The following ZNF626 variants were observed in gnomAD, a reference collection of about 807,000 sequenced individuals.
The protein encoded by ZNF626 is zinc finger protein 626, also known as CTC-513N18.7.
A neutral mutation model predicts 11.7 loss-of-function variants in ZNF626; 4 were observed. The ratio of observed to expected loss-of-function variants is 0.34; its 90% CI spans 0.17 to 0.78. ZNF626 has a LOEUF of 0.78. Ranked by LOEUF, ZNF626 falls within the 30% of genes least tolerant of loss-of-function variation. The pLI is 0.57. For missense variants in ZNF626, 588 were observed against 587.1 expected (o/e 1.00, Z -0.01); for synonymous variants, 179 against 198.6 (o/e 0.90, Z 0.83).
intron 3 of ZNF626, among the ~76,000 whole-genome samples, chr19:20,628,687 T>A (rs1011216847): frequency 6.6e-5 from 10 of 152,226 alleles, no homozygotes; most frequent in Non-Finnish European, 1.3e-4. Context: ...TATTTGCCCT[T>A]TGTCAGATGA....
chr19:20,629,298 G>C lies in ZNF626; in HGVS notation c.227-3648C>G, dbSNP rs543353366. The stretch of plus-strand genomic sequence containing the variant: ...TTGGTTTCATATGAACTTTAAAGTA[G>C]TTTTTTCCAATTCTGTGAAGAAAGT... On this transcript the variant is annotated intron_variant, in intron 3 of 3. Coordinates refer to ENST00000601440, the MANE Select transcript of ZNF626 (RefSeq NM_001076675.3). Among the ~76,000 whole-genome samples the C allele has an allele frequency of 2.9e-3, 438 of 152,262 alleles. 2 individuals are homozygous for C. Among genetic ancestry groups the C allele is most frequent in the African/African-American group, 1.0e-2 (414 of 41,550 alleles).
At chr19:20,641,304 TTAAA>T (rs1970022391) in intron 3 of ZNF626, among the ~76,000 whole-genome samples, 1 of 152,196 alleles carries the variant, frequency 6.6e-6, no homozygotes, top group Non-Finnish European at 1.5e-5. Flanking sequence ...TTATTCCACC[TTAAA>T]TAAAACAATC....
rs1555769284 is a variant in ZNF626 at position 20,624,786 on chromosome 19, G to T, written c.1091C>A (p.Thr364Asn). 5 of 1,613,676 alleles carry T rather than the reference G, an allele frequency of 3.1e-6. No homozygotes were observed. The highest frequency in any genetic ancestry group is 4.2e-6 in the Non-Finnish European group (5 of 1,179,986). The stretch of plus-strand genomic sequence containing the variant: ...TTCACATTTGTAGGGTTTCTCTCCA[G>T]TATGAATTCTCTTATGTGTAGTAAG... ...STLTTHKRIH[T>N]GEKPYKCEEC... is the part of the protein sequence containing the mutation. The change falls in exon 4 of 4, where the codon ACT becomes AAT. Residue 364 changes from threonine to asparagine, a missense_variant. Transcript: ENST00000601440.
intron 1 of ZNF626, among the ~76,000 whole-genome samples, chr19:20,655,852 G>A (rs1343830184): frequency 2.0e-5 from 3 of 151,676 alleles, no homozygotes; most frequent in African/African-American, 7.3e-5. Flanking sequence ...GGAGATTGGC[G>A]TGAACCCAGG....
chr19:20,623,943 G>T lies in ZNF626; in HGVS notation c.*347C>A. Reference sequence around the variant, plus strand: ...CTGTCACATTCTTTATATTTGTAGAGTTTATATTTCATATCAATTCTTAGT... The same window carrying T: ...CTGTCACATTCTTTATATTTGTAGATTTTATATTTCATATCAATTCTTAGT... On this transcript the variant is annotated 3_prime_UTR_variant, in exon 4 of 4. Coordinates refer to ENST00000601440, the MANE Select transcript of ZNF626 (RefSeq NM_001076675.3). 7.8e-6 allele frequency: 3 copies of T among 383,462 alleles called. No homozygotes were observed. Among genetic ancestry groups the T allele is most frequent in the Non-Finnish European group, 1.5e-5 (3 of 205,998 alleles). The allele number at this position is 383,462 out of a possible 1,614,324, so 23.8% of individuals were successfully genotyped here.
intron 1 of ZNF626, among the ~76,000 whole-genome samples, chr19:20,649,882 A>G (rs555159495): frequency 8.5e-5 from 13 of 152,372 alleles, no homozygotes; most frequent in Admixed American, 2.0e-4. Flanking sequence ...AAGGTCTCTT[A>G]TTACTTAGCA....
intron 1 of ZNF626, among the ~76,000 whole-genome samples, chr19:20,660,009 C>A (rs1326452008): frequency 6.6e-6 from 1 of 151,982 alleles, no homozygotes; most frequent in African/African-American, 2.4e-5. Context: ...TGGCTCACAC[C>A]GATAATGCCA....
chr19:20,629,975 G>GT (rs1382675836), intron 3 of ZNF626, among the ~76,000 whole-genome samples: 1 of 152,286 alleles, frequency 6.6e-6, no homozygotes, highest in African/African-American at 2.4e-5. Flanking sequence ...TTTATTGAGA[G>GT]TTTTTAGTAT....
At chr19:20,656,789 A>C (rs782356214) in intron 1 of ZNF626, among the ~76,000 whole-genome samples, 1 of 152,160 alleles carries the variant, frequency 6.6e-6, no homozygotes, top group African/African-American at 2.4e-5. Flanking sequence ...ATAAGTCAAA[A>C]AATAACAGAT....
At chr19:20,631,615 C>CT (rs56931780) in intron 3 of ZNF626, among the ~76,000 whole-genome samples, 30 of 139,992 alleles carry the variant, frequency 2.1e-4, no homozygotes, top group Admixed American at 1.6e-3. Context: ...CAACCCCTGC[C>CT]TTTTTTTTTG....
At chr19:20,650,293 A>G (rs1266953089) in intron 1 of ZNF626, among the ~76,000 whole-genome samples, 20 of 152,040 alleles carry the variant, frequency 1.3e-4, no homozygotes, top group African/African-American at 4.6e-4. Context: ...GACAGATGAA[A>G]GAAATATGGA....
chr19:20,646,536 A>G, intron 1 of ZNF626, 131 bp from the exon 2 acceptor site: 1 of 1,500,350 alleles, frequency 6.7e-7, no homozygotes. Flanking sequence ...ATCCAATAAA[A>G]TGATTTCAAA....
intron 3 of ZNF626, among the ~76,000 whole-genome samples, chr19:20,639,572 T>C (rs1970001606): frequency 6.6e-6 from 1 of 152,104 alleles, no homozygotes; most frequent in African/African-American, 2.4e-5. Context: ...ATCCGAACAC[T>C]ACAAACAAAC....
rs1384897483 is a variant in ZNF626, at chr19:20,619,974, TTAAC to T, written c.*4312_*4315del. ...TTTCCAGTTTTATTCATTACAAATA[TTAAC>T]TAACATCTTTTTTTCTGGCTTAAAT... On this transcript the variant is annotated 3_prime_UTR_variant, in exon 4 of 4. Coordinates refer to ENST00000601440, the MANE Select transcript of ZNF626 (RefSeq NM_001076675.3). 1.6e-4 allele frequency: 24 copies of T among 152,366 alleles called. No individual in the cohort carries two copies. The highest frequency in any genetic ancestry group is 4.6e-4 in the African/African-American group (19 of 41,590). 9.4% of individuals were successfully genotyped at this position (152,366 alleles called of 1,614,324 possible).
At chr19:20,638,637 A>G (rs1451672842) in intron 3 of ZNF626, among the ~76,000 whole-genome samples, 3 of 151,962 alleles carry the variant, frequency 2.0e-5, no homozygotes, top group Admixed American at 2.0e-4. Context: ...ATTAGACATA[A>G]CATGCTTTAA....
intron 1 of ZNF626, among the ~76,000 whole-genome samples, chr19:20,657,576 G>A (rs1295283323): frequency 1.3e-5 from 2 of 152,108 alleles, no homozygotes; most frequent in Non-Finnish European, 2.9e-5. Context: ...GGAGGCCGAG[G>A]TGGGATAATC....
chr19:20,626,382 A>G (rs1555769698), intron 3 of ZNF626, among the ~76,000 whole-genome samples: 1 of 152,236 alleles, frequency 6.6e-6, no homozygotes, highest in African/African-American at 2.4e-5. Context: ...AAAATTTTTA[A>G]AGCAACCATA....
chr19:20,644,701 A>T (rs1970056040), intron 3 of ZNF626: 1 of 152,200 alleles, frequency 6.6e-6, no homozygotes, highest in South Asian at 2.1e-4. Flanking sequence ...CATTGAAATT[A>T]AAAAATAAGT....
chr19:20,633,649 A>G (rs556292876), intron 3 of ZNF626, among the ~76,000 whole-genome samples: 1 of 152,160 alleles, frequency 6.6e-6, no homozygotes, highest in Non-Finnish European at 1.5e-5. Flanking sequence ...AAAGCGCAGT[A>G]TTAGGGTGGG....
Sources: allele counts gnomAD v4.1 joint callset (sites outside exome capture counted in the v4.1 genomes callset), GRCh38; gene constraint gnomAD v4.1.1; transcripts MANE v1.5; gene names NCBI Gene and HGNC (gene_info 2026-07-23, HGNC 2026-07-21).